The following PTPRT variants were observed in gnomAD, a reference collection of about 807,000 sequenced individuals.
PTPRT encodes the protein protein tyrosine phosphatase receptor type T, also known as receptor-type tyrosine-protein phosphatase T.
A neutral mutation model predicts 176.8 loss-of-function variants in PTPRT; 56 were observed. That is an observed-to-expected ratio of 0.32 (90% CI 0.26 to 0.40). The LOEUF (loss-of-function observed/expected upper bound fraction) is 0.40, where lower values mean the gene tolerates loss of function less well. Among genes scored for constraint, PTPRT ranks in the 10% least tolerant of loss-of-function variants. PTPRT has a pLI of 1.00. For synonymous variants in PTPRT, 783 were observed against 739.0 expected (o/e 1.06, Z -0.96); for missense variants, 1,540 against 1,908.2 (o/e 0.81, Z 3.60).
intron 13 of PTPRT, among the ~76,000 whole-genome samples, chr20:42,277,709 C>T (rs558559045): frequency 1.3e-5 from 2 of 152,166 alleles, no homozygotes; most frequent in South Asian, 2.1e-4. Context: ...TCTATCACAG[C>T]AGGAACAGAA....
chr20:43,009,621 G>A (rs921057959), intron 1 of PTPRT, among the ~76,000 whole-genome samples: 10 of 152,200 alleles, frequency 6.6e-5, no homozygotes, highest in African/African-American at 2.4e-4. Flanking sequence ...CTGAAGCACT[G>A]ACTGCAGCTG....
chr20:42,472,192 C>T (rs2071208529), intron 8 of PTPRT, 74 bp downstream of exon 8: 4 of 1,495,942 alleles, frequency 2.7e-6, no homozygotes. Flanking sequence ...ATAAAAGCCT[C>T]ATAACTGACT....
chr20:43,111,275 C>T (rs1292500670), intron 1 of PTPRT, among the ~76,000 whole-genome samples: 1 of 152,102 alleles, frequency 6.6e-6, no homozygotes, highest in Non-Finnish European at 1.5e-5. Context: ...CACAGTGGCT[C>T]ACGCCTGTAA....
chr20:42,538,500 C>T (rs752255065), intron 7 of PTPRT, among the ~76,000 whole-genome samples: 4 of 152,148 alleles, frequency 2.6e-5, no homozygotes, highest in Non-Finnish European at 4.4e-5. Flanking sequence ...GCATCTTGAC[C>T]TCAGCCCCCT....
chr20:42,579,146 A>G (rs1320333244), intron 7 of PTPRT, among the ~76,000 whole-genome samples: 1 of 142,022 alleles, frequency 7.0e-6, no homozygotes, highest in Non-Finnish European at 1.5e-5. Flanking sequence ...CCTATGAGTG[A>G]GAATATGCGG....
At chr20:42,771,293 G>C in intron 5 of PTPRT, 142 bp downstream of exon 5, 1 of 735,006 alleles carries the variant, frequency 1.4e-6, no homozygotes, top group Non-Finnish European at 2.3e-6. Flanking sequence ...TGTAAGCAAG[G>C]GTGGGCTCCG....
chr20:42,103,349 T>C (rs955026333), intron 25 of PTPRT, among the ~76,000 whole-genome samples: 5 of 152,262 alleles, frequency 3.3e-5, no homozygotes, highest in Non-Finnish European at 7.3e-5. Flanking sequence ...TCTTGTTAAC[T>C]TGCAGGCTCT....
chr20:42,071,521 A>G (rs57040102), downstream of PTPRT, among the ~76,000 whole-genome samples: 902 of 152,262 alleles, frequency 5.9e-3, 11 homozygotes, highest in African/African-American at 0.02. Flanking sequence ...CTATTGAATC[A>G]GGCTCTACAC....
At chr20:42,706,674 G>C (rs538894351) in intron 6 of PTPRT, among the ~76,000 whole-genome samples, 8 of 152,168 alleles carry the variant, frequency 5.3e-5, no homozygotes, top group African/African-American at 1.9e-4. Context: ...CCTAGATAAA[G>C]AAATAACTGA....
intron 1 of PTPRT, among the ~76,000 whole-genome samples, chr20:43,152,835 C>T (rs1366346878): frequency 1.3e-5 from 2 of 152,326 alleles, no homozygotes; most frequent in African/African-American, 4.8e-5. Flanking sequence ...TCAAGCTTCT[C>T]CCAAGCTCTG....
chr20:42,433,174 C>A lies in PTPRT; in HGVS notation c.1560+15046G>T, dbSNP rs1240509031. Among the ~76,000 whole-genome samples the A allele has an allele frequency of 5.3e-5, 8 of 152,236 alleles. No individual in the cohort carries two copies. The South Asian group carries it at 1.0e-3, about 20-fold the overall frequency. ...AAGTTTCCCCAGAACCTCACACCAT[C>A]TGCTTTATCTTCTTGTTGGCCCATA... On this transcript the variant is annotated intron_variant, in intron 9 of 30. Coordinates refer to ENST00000373187, the MANE Select transcript of PTPRT (RefSeq NM_007050.6).
At chr20:43,041,144 A>G (rs1444328283) in intron 1 of PTPRT, among the ~76,000 whole-genome samples, 1 of 152,236 alleles carries the variant, frequency 6.6e-6, no homozygotes, top group Non-Finnish European at 1.5e-5. Flanking sequence ...TTACCAGTGA[A>G]GAAAACTAAG....
chr20:42,399,670 A>C (rs777558659), intron 9 of PTPRT, among the ~76,000 whole-genome samples: 1 of 152,218 alleles, frequency 6.6e-6, no homozygotes, highest in Non-Finnish European at 1.5e-5. Context: ...CTGAGGGCTC[A>C]GACTCATTTT....
chr20:42,748,597 C>T (rs931279738), intron 6 of PTPRT, among the ~76,000 whole-genome samples: 9 of 152,102 alleles, frequency 5.9e-5, no homozygotes, highest in African/African-American at 1.7e-4. Flanking sequence ...GAAGCTGTTG[C>T]GTCCCACCGC....
At chr20:42,099,984 G>T (rs900452789) in intron 26 of PTPRT, among the ~76,000 whole-genome samples, 1 of 152,224 alleles carries the variant, frequency 6.6e-6, no homozygotes. Flanking sequence ...GAGGCTTTGA[G>T]AGTTAACAGA....
intron 25 of PTPRT, 65 bp from the exon 26 acceptor site, chr20:42,102,362 G>A: frequency 6.5e-7 from 1 of 1,533,740 alleles, no homozygotes; most frequent in Non-Finnish European, 8.9e-7. Flanking sequence ...AAAAGAGACA[G>A]TAATGTTCCA....
At chr20:42,670,571 A>G (rs774197254) in intron 7 of PTPRT, among the ~76,000 whole-genome samples, 1 of 152,226 alleles carries the variant, frequency 6.6e-6, no homozygotes, top group Non-Finnish European at 1.5e-5. Flanking sequence ...TGTAAATAAA[A>G]TAGAACATGC....
At chr20:42,416,462 A>G (rs146467329) in intron 9 of PTPRT, among the ~76,000 whole-genome samples, 896 of 152,274 alleles carry the variant, frequency 5.9e-3, no homozygotes, top group Non-Finnish European at 9.4e-3. Flanking sequence ...ACTTCCCAAC[A>G]TCATCAAACC....
chr20:42,536,148 C>T (rs1004877419), intron 7 of PTPRT, among the ~76,000 whole-genome samples: 2 of 152,078 alleles, frequency 1.3e-5, no homozygotes, highest in Non-Finnish European at 2.9e-5. Context: ...GTCCCTGCCC[C>T]GGCAGAGCTC....
Sources: allele counts gnomAD v4.1 joint callset (sites outside exome capture counted in the v4.1 genomes callset), GRCh38; gene constraint gnomAD v4.1.1; transcripts MANE v1.5; gene names NCBI Gene and HGNC (gene_info 2026-07-23, HGNC 2026-07-21).